RBMS3: variants seen among roughly 807,000 people sequenced by gnomAD.
RBMS3 encodes the protein RNA-binding motif, single-stranded-interacting protein 3.
RBMS3 carries 27 observed loss-of-function variants against 66.8 expected under a neutral mutation model. That is an observed-to-expected ratio of 0.40 (90% confidence interval 0.30 to 0.56). RBMS3 has a LOEUF of 0.56. RBMS3 is among the 20% of genes least tolerant of loss of function. The pLI, the probability that RBMS3 is intolerant of heterozygous loss-of-function variation, is 0.40. For missense variants in RBMS3, 513 were observed against 549.5 expected (o/e 0.93, Z 0.66); for synonymous variants, 188 against 183.0 (o/e 1.03, Z -0.22).
At chr3:29,854,192 C>T (rs1177707016) in intron 6 of RBMS3, among the ~76,000 whole-genome samples, 8 of 152,190 alleles carry the variant, frequency 5.3e-5, no homozygotes, top group African/African-American at 1.9e-4. Flanking sequence ...CGTCCCTCCC[C>T]GCGTCCCTGC....
chr3:29,893,386 T>A (rs909592930), intron 8 of RBMS3, among the ~76,000 whole-genome samples: 1 of 151,604 alleles, frequency 6.6e-6, no homozygotes, highest in Non-Finnish European at 1.5e-5. Flanking sequence ...ACTTTGCCTG[T>A]CAATCCAATC....
At position 29,657,742 on chromosome 3, in the gene RBMS3, C is replaced by A. The variant is rs547167792; in HGVS notation, c.399+70537C>A. 2.0e-5 allele frequency among the ~76,000 whole-genome samples: 3 copies of A among 152,196 alleles called. No homozygotes were observed. In the South Asian group the frequency reaches 6.2e-4, roughly 32 times the overall value. ...GGCAGTCAATACTAATCAACACACA[C>A]AAAGCAATACAAATGTTCTTGCTCT... On this transcript the variant is annotated intron_variant, in intron 4 of 14. Coordinates refer to ENST00000383767, the MANE Select transcript of RBMS3 (RefSeq NM_001003793.3).
intron 3 of RBMS3, among the ~76,000 whole-genome samples, chr3:29,526,718 C>G (rs1173839260): frequency 2.0e-5 from 3 of 152,034 alleles, no homozygotes; most frequent in East Asian, 1.9e-4. Context: ...AATTTCTACA[C>G]TTAGTCTTTA....
chr3:29,614,884 T>A (rs1043317344), intron 4 of RBMS3: 5 of 152,204 alleles, frequency 3.3e-5, no homozygotes, highest in Non-Finnish European at 7.3e-5. Flanking sequence ...TTTACGTAAC[T>A]GTTTACTCTA....
intron 4 of RBMS3, among the ~76,000 whole-genome samples, chr3:29,657,053 G>A (rs1186555232): frequency 6.6e-6 from 1 of 152,122 alleles, no homozygotes; most frequent in Non-Finnish European, 1.5e-5. Flanking sequence ...GTCTGAGAGT[G>A]GCACATGTGA....
intron 2 of RBMS3, among the ~76,000 whole-genome samples, chr3:29,450,921 ACACACACACACCCCC>A (rs2041993152): frequency 8.1e-6 from 1 of 122,874 alleles, no homozygotes; most frequent in Non-Finnish European, 1.8e-5. Context: ...ACACACACAC[ACACACACACACCCCC>A]CACACACACA....
intron 13 of RBMS3, 21 bp downstream of exon 13, chr3:29,988,244 T>TAAAG (rs775653315): frequency 6.9e-5 from 108 of 1,566,934 alleles, no homozygotes; most frequent in Non-Finnish European, 9.2e-5. Context: ...CCCTGTCTAA[T>TAAAG]AAAGAGGTTA....
At chr3:29,721,962 A>G (rs990968300) in intron 4 of RBMS3, among the ~76,000 whole-genome samples, 1 of 152,134 alleles carries the variant, frequency 6.6e-6, no homozygotes, top group African/African-American at 2.4e-5. Context: ...AACCAAACAA[A>G]TAAACACTGT....
At chr3:29,810,368 C>G (rs1293024521) in intron 6 of RBMS3, among the ~76,000 whole-genome samples, 1 of 152,104 alleles carries the variant, frequency 6.6e-6, no homozygotes, top group Non-Finnish European at 1.5e-5. Context: ...GTCAGTGCAG[C>G]TTATTTCTAA....
At chr3:29,635,705 A>T (rs2049448583) in intron 4 of RBMS3, among the ~76,000 whole-genome samples, 1 of 151,888 alleles carries the variant, frequency 6.6e-6, no homozygotes, top group South Asian at 2.1e-4. Context: ...AAGCCACAGG[A>T]ACTGGGGTTA....
intron 3 of RBMS3, among the ~76,000 whole-genome samples, chr3:29,538,691 A>G (rs2045658387): frequency 6.6e-6 from 1 of 152,230 alleles, no homozygotes; most frequent in South Asian, 2.1e-4. Flanking sequence ...CATATTACAA[A>G]GAGAGGATAA....
intron 1 of RBMS3, among the ~76,000 whole-genome samples, chr3:29,380,344 G>A (rs1369250645): frequency 5.3e-5 from 8 of 151,960 alleles, no homozygotes; most frequent in Non-Finnish European, 2.9e-5. Flanking sequence ...TATTGGCATG[G>A]CAAGGAATGC....
chr3:29,944,333 A>G (rs1695155731), intron 12 of RBMS3, 79 bp downstream of exon 12: 1 of 1,267,158 alleles, frequency 7.9e-7, no homozygotes, highest in African/African-American at 1.5e-5. Flanking sequence ...AAACTCTTTA[A>G]AGCAGTGATT....
In RBMS3 at chr3:30,007,112, T is replaced by A. The variant is rs534882667; in HGVS notation, c.*3250T>A. On this transcript the variant is annotated 3_prime_UTR_variant, in exon 15 of 15. Transcript: ENST00000383767. ...TTTGTCTGTTGTCTTACCTAAGACT[T>A]GTTTTGAAGAGCCAAGTCTGGGAGA... The A allele has an allele frequency of 2.0e-5, 3 of 152,152 alleles. No individual in the cohort carries two copies. The East Asian group carries it at 5.8e-4, about 29-fold the overall frequency. The allele number at this position is 152,152 out of a possible 1,614,324, so 9.4% of individuals were successfully genotyped here.
chr3:29,886,244 G>A (rs183997173), intron 8 of RBMS3, among the ~76,000 whole-genome samples: 25 of 151,820 alleles, frequency 1.6e-4, no homozygotes, highest in East Asian at 1.6e-3. Flanking sequence ...GGATGATTCC[G>A]AAGCAAAATC....
At chr3:29,664,698 T>A (rs1205099290) in intron 4 of RBMS3, among the ~76,000 whole-genome samples, 1 of 150,910 alleles carries the variant, frequency 6.6e-6, no homozygotes, top group African/African-American at 2.5e-5. Context: ...AAAAGTACTT[T>A]ATTTTTTTTA....
chr3:29,837,827 A>G (rs1274883144), intron 6 of RBMS3, among the ~76,000 whole-genome samples: 1 of 150,816 alleles, frequency 6.6e-6, no homozygotes, highest in African/African-American at 2.4e-5. Context: ...GTATTTGTGC[A>G]TTCCTTCATA....
At chr3:29,935,056 T>C (rs1032652296) in intron 10 of RBMS3, among the ~76,000 whole-genome samples, 26 of 152,272 alleles carry the variant, frequency 1.7e-4, no homozygotes, top group African/African-American at 6.0e-4. Flanking sequence ...TTAAATGGGT[T>C]GTTATAAAAT....
At chr3:29,401,736 C>G (rs1412854778) in intron 1 of RBMS3, among the ~76,000 whole-genome samples, 1 of 151,910 alleles carries the variant, frequency 6.6e-6, no homozygotes, top group Non-Finnish European at 1.5e-5. Context: ...TAAGTAAAAC[C>G]AAACTTAATT....
Sources: gnomAD v4.1 joint callset for allele counts (sites outside exome capture counted in the v4.1 genomes callset) on GRCh38, gnomAD v4.1.1 for gene constraint, MANE v1.5 for transcripts, NCBI Gene and HGNC (gene_info 2026-07-23, HGNC 2026-07-21) for gene names.